The following MUC5AC variants were observed in gnomAD, a reference collection of about 807,000 sequenced individuals.
MUC5AC encodes the protein mucin-5AC.
A neutral mutation model predicts 169.7 loss-of-function variants in MUC5AC; 158 were observed. That is an observed-to-expected ratio of 0.93 (90% CI 0.82 to 1.06). MUC5AC has a LOEUF of 1.06. Ranked by LOEUF, MUC5AC falls within the 50% of genes least tolerant of loss-of-function variation. MUC5AC has a pLI of 0.00. For missense variants in MUC5AC, 4,359 were observed against 3,089.9 expected, an observed-to-expected ratio of 1.41 and a Z score of -9.74; for synonymous variants, 1,975 against 1,237.0, an observed-to-expected ratio of 1.60 and a Z score of -12.52.
rs769411624 is a variant in MUC5AC, at chr11:1,168,568, T to A, written c.1567+16T>A. 2 of 1,612,564 alleles carry A rather than the reference T, an allele frequency of 1.2e-6. No homozygotes were observed. Among genetic ancestry groups the A allele is most frequent in the Non-Finnish European group, 8.5e-7 (1 of 1,179,788 alleles). ...ATCTCTGCAGGTGAGGGCAGTGGCT[T>A]CTTCCCCACCCCGGGGCTGCCTGGG... On this transcript the variant is annotated intron_variant, in intron 13 of 48. Coordinates refer to ENST00000621226, the MANE Select transcript of MUC5AC (RefSeq NM_001304359.2).
At position 1,178,570 on chromosome 11, in the gene MUC5AC, C is replaced by A; in HGVS notation, c.3214C>A (p.Pro1072Thr). The A allele has an allele frequency of 7.1e-7, 1 of 1,401,246 alleles. No homozygotes were observed. The highest frequency in any genetic ancestry group is 1.7e-5 in the South Asian group (1 of 58,958). 86.8% of individuals were successfully genotyped at this position (1,401,246 alleles called of 1,614,324 possible). A position where few individuals can be genotyped will look rare whatever the true frequency, so the allele number is the denominator to read the frequency against. The change falls in exon 25 of 49, where the codon CCA (proline) becomes ACA (threonine). Residue 1072 changes from proline (P) to threonine (T), a missense_variant. Coordinates refer to ENST00000621226, the MANE Select transcript of MUC5AC (RefSeq NM_001304359.2). ...CAGCTGGAAGCTCTCCCCCTCCTGCCCAGATGCCCTGGCGCCCAAGGACCC... is the reference window on the plus strand; with the variant it reads ...CAGCTGGAAGCTCTCCCCCTCCTGCACAGATGCCCTGGCGCCCAAGGACCC... ...GNSWKLSPSC[P>T]DALAPKDPCT...
chr11:1,175,845 A>ACC (rs1860668545), intron 19 of MUC5AC, among the ~76,000 whole-genome samples: 4 of 113,786 alleles, frequency 3.5e-5, no homozygotes, highest in African/African-American at 1.4e-4. Flanking sequence ...ACGCACTCAC[A>ACC]CACCCACTTA....
At chr11:1,166,492 C>A (rs1444714330) in intron 11 of MUC5AC, among the ~76,000 whole-genome samples, 33 of 113,618 alleles carry the variant, frequency 2.9e-4, no homozygotes, top group Middle Eastern at 7.8e-3. Context: ...AGTCTCTCCA[C>A]GATGAGACCC....
At chr11:1,162,722 G>T (rs1590133247) in intron 5 of MUC5AC, 76 bp downstream of exon 5, 2 of 1,413,742 alleles carry the variant, frequency 1.4e-6, no homozygotes, top group Non-Finnish European at 2.0e-6. Flanking sequence ...CCTCTCCGGA[G>T]AGGGTAGAAG....
At position 1,158,003 on chromosome 11, in the gene MUC5AC, A is replaced by G; in HGVS notation, c.4A>G (p.Ser2Gly). Residue 2 changes from serine to glycine, a missense_variant, in exon 1 of 49, where the codon AGT (serine) becomes GGT (glycine). By Grantham distance (56) the Ser-to-Gly change is moderately conservative (BLOSUM62 0). Coordinates refer to ENST00000621226, the MANE Select transcript of MUC5AC (RefSeq NM_001304359.2). ...ACTCTTCCCCGCCGTCCACACAATGAGTGTTGGCCGGAGGAAGCTGGCCCT... is the reference window on the plus strand; with the variant it reads ...ACTCTTCCCCGCCGTCCACACAATGGGTGTTGGCCGGAGGAAGCTGGCCCT... M[S>G]VGRRKLALLW... 1.9e-6 allele frequency: 3 copies of G among 1,598,162 alleles called. No individual in the cohort carries two copies. Among genetic ancestry groups the G allele is most frequent in the Non-Finnish European group, 2.6e-6 (3 of 1,173,688 alleles).
Position 1,195,025 on chromosome 11 carries a change from C to T in MUC5AC, c.15204C>T (p.Asn5068=), listed in dbSNP as rs775794844. The T allele has an allele frequency of 4.8e-5, 36 of 744,138 alleles. No homozygotes were observed. Among genetic ancestry groups the T allele is most frequent in the African/African-American group, 3.1e-4 (18 of 58,682 alleles). The allele number at this position is 744,138 out of a possible 1,614,324, so 46.1% of individuals were successfully genotyped here. A position where few individuals can be genotyped will look rare whatever the true frequency, so the allele number is the denominator to read the frequency against. The change falls in exon 36 of 49, where the codon AAC becomes AAT. Residue 5068 remains asparagine, a synonymous_variant. Coordinates refer to ENST00000621226, the MANE Select transcript of MUC5AC (RefSeq NM_001304359.2). ...GCGTCTGCCCAGGCACTTGCACCAA[C>T]GACAGGAAGGATGAGTGCCGCACGC... ...NTEGQCGTCT[N]DRKDECRTPR...
Position 1,174,635 on chromosome 11 carries a change from C to G in MUC5AC, c.2092+13C>G, listed in dbSNP as rs1008971252. 9.7e-6 allele frequency: 10 copies of G among 1,027,172 alleles called. No homozygotes were observed. The African/African-American group carries it at 1.6e-4, about 16-fold the overall frequency. The allele number at this position is 1,027,172 out of a possible 1,614,324, so 63.6% of individuals were successfully genotyped here. A position where few individuals can be genotyped will look rare whatever the true frequency, so the allele number is the denominator to read the frequency against. On this transcript the variant is annotated intron_variant, in intron 17 of 48. Transcript: ENST00000621226. ...GACGGCGTCTGCAGTGAGTGCCTGC[C>G]AAGCCCAGCCCCTTTCCCTCGCTGG...
At position 1,174,592 on chromosome 11, in the gene MUC5AC, C is replaced by A; in HGVS notation, c.2062C>A (p.Gln688Lys). The change falls in exon 17 of 49, where the codon CAG (glutamine) becomes AAG (lysine). Residue 688 changes from glutamine (Q) to lysine (K), a missense_variant. Transcript: ENST00000621226. Reference sequence around the variant, plus strand: ...GCACGCCTGTGCCGCCAAGGGCGTGCAGCTCGGCGGCTGGAGGGACGGCGT... The same window carrying A: ...GCACGCCTGTGCCGCCAAGGGCGTGAAGCTCGGCGGCTGGAGGGACGGCGT... ...YVHACAAKGV[Q>K]LGGWRDGVCT... The A allele has an allele frequency of 7.0e-7, 1 of 1,427,220 alleles. No homozygotes were observed. Among genetic ancestry groups the A allele is most frequent in the Non-Finnish European group, 9.6e-7 (1 of 1,044,426 alleles). 88.4% of individuals were successfully genotyped at this position (1,427,220 alleles called of 1,614,324 possible).
At chr11:1,199,545 T>TG (rs1861370131) in intron 46 of MUC5AC, 55 bp downstream of exon 46, 2 of 699,020 alleles carry the variant, frequency 2.9e-6, no homozygotes, top group Non-Finnish European at 5.2e-6. Flanking sequence ...TAGATGGGTT[T>TG]GGGGGGCTGT....
At position 1,176,235 on chromosome 11, in the gene MUC5AC, C is replaced by T. The variant is rs1358344269; in HGVS notation, c.2486C>T (p.Thr829Ile). 8 of 398,568 alleles carry T rather than the reference C, an allele frequency of 2.0e-5. No homozygotes were observed. The highest frequency in any genetic ancestry group is 1.4e-4 in the African/African-American group (7 of 48,624). The allele number at this position is 398,568 out of a possible 1,614,324, so 24.7% of individuals were successfully genotyped here. ...GCTGGCTGTCAGAAGAGCTGCCACA[C>T]ACTGGACATGACCTGTGTAAGTCCC... is the stretch of plus-strand genomic sequence containing the variant. ...TGAGCQKSCH[T>I]LDMTCYSPQC... is the part of the protein sequence containing the mutation. The change falls in exon 20 of 49, where the codon ACA (threonine) becomes ATA (isoleucine). Residue 829 changes from threonine (T) to isoleucine (I), a missense_variant. Thr to Ile is a moderately conservative substitution (Grantham distance 89). Transcript: ENST00000621226.
chr11:1,177,968 C>T (rs1441042345), intron 24 of MUC5AC, among the ~76,000 whole-genome samples: 1 of 152,176 alleles, frequency 6.6e-6, no homozygotes, highest in Non-Finnish European at 1.5e-5. Context: ...TGCCGGGGTC[C>T]CCAGCGCTCC....
In MUC5AC at chr11:1,165,275, C is replaced by T. The variant is rs374888167; in HGVS notation, c.1130-27C>T. 5.5e-5 allele frequency: 88 copies of T among 1,593,362 alleles called. No homozygotes were observed. In the African/African-American group the frequency reaches 9.2e-4, roughly 17 times the overall value. ...CCACTGCGTGGACACAGCAGGCGCCCGTCATAGGCCTGCCTGACCCCTGCA... is the reference window on the plus strand; with the variant it reads ...CCACTGCGTGGACACAGCAGGCGCCTGTCATAGGCCTGCCTGACCCCTGCA... On this transcript the variant is annotated intron_variant, in intron 9 of 48. Coordinates refer to ENST00000621226, the MANE Select transcript of MUC5AC (RefSeq NM_001304359.2).
At chr11:1,161,832 G>T in intron 3 of MUC5AC, 75 bp from the exon 4 acceptor site, 1 of 1,531,272 alleles carries the variant, frequency 6.5e-7, no homozygotes. Flanking sequence ...GGGGCAGGAG[G>T]TACAGGGCAG....
rs1323992200 is a variant in MUC5AC, at chr11:1,189,257, A to T, written c.11112A>T (p.Thr3704=). ...CAACCTCTGCTCCCACAACGAGCAC[A>T]ACTTCTGCCCCTACAACCAGCACAA... is the stretch of plus-strand genomic sequence containing the variant. ...TSTTSAPTTS[T]TSAPTTSTTS... is the part of the protein sequence containing the mutation. The change falls in exon 31 of 49, where the codon ACA becomes ACT. Residue 3704 remains threonine, a synonymous_variant. Coordinates refer to ENST00000621226, the MANE Select transcript of MUC5AC (RefSeq NM_001304359.2). 5 of 590,082 alleles carry T rather than the reference A, an allele frequency of 8.5e-6. No homozygotes were observed. The highest frequency in any genetic ancestry group is 1.5e-5 in the Non-Finnish European group (5 of 331,348). The allele number at this position is 590,082 out of a possible 1,614,324, so 36.6% of individuals were successfully genotyped here.
At position 1,187,267 on chromosome 11, in the gene MUC5AC, C is replaced by T. The variant is rs1860975651; in HGVS notation, c.9122C>T (p.Thr3041Ile). ...ACAACCAGCACAACCTCTACCCCTA[C>T]AAGCAGCACAACCTCCTCTCCACAG... Reference protein sequence around the residue: ...APTTSTTSTPTSSTTSSPQTS... With the variant: ...APTTSTTSTPISSTTSSPQTS... Residue 3041 changes from threonine to isoleucine, a missense_variant, in exon 31 of 49, where the codon ACA (threonine) becomes ATA (isoleucine). Physicochemically the swap from Thr to Ile is moderately conservative, Grantham distance 89. Coordinates refer to ENST00000621226, the MANE Select transcript of MUC5AC (RefSeq NM_001304359.2). 4 of 696,278 alleles carry T rather than the reference C, an allele frequency of 5.7e-6. No homozygotes were observed. Among genetic ancestry groups the T allele is most frequent in the Non-Finnish European group, 1.0e-5 (4 of 382,352 alleles). The allele number at this position is 696,278 out of a possible 1,614,324, so 43.1% of individuals were successfully genotyped here.
Position 1,184,645 on chromosome 11 carries a change from C to T in MUC5AC, c.6500C>T (p.Ala2167Val). The T allele has an allele frequency of 1.5e-6, 1 of 659,878 alleles. No individual in the cohort carries two copies. Among genetic ancestry groups the T allele is most frequent in the Non-Finnish European group, 2.7e-6 (1 of 363,808 alleles). 40.9% of individuals were successfully genotyped at this position (659,878 alleles called of 1,614,324 possible). ...PEEITRLQCR[A>V]KSHPEVSIEH... ...GAGATCACCAGGCTCCAGTGCCGAG[C>T]CAAGAGCCACCCAGAGGTGAGCATC... is the stretch of plus-strand genomic sequence containing the variant. The change falls in exon 31 of 49, where the codon GCC becomes GTC. Residue 2167 changes from alanine to valine, a missense_variant. Ala to Val is a moderately conservative substitution (Grantham distance 64). Transcript: ENST00000621226.
Position 1,199,377 on chromosome 11 carries a change from G to A in MUC5AC, c.16402G>A (p.Glu5468Lys), listed in dbSNP as rs776367136. Residue 5468 changes from glutamate to lysine, a missense_variant, in exon 46 of 49, where the codon GAG becomes AAG. Glu to Lys is a moderately conservative substitution (Grantham distance 56). Coordinates refer to ENST00000621226, the MANE Select transcript of MUC5AC (RefSeq NM_001304359.2). ...KSPAHLFYPG[E>K]TWSDAGNHCV... is the part of the protein sequence containing the mutation. ...GGGCCTGGCCTCCCTCCAGCCCGGC[G>A]AGACCTGGTCAGACGCAGGGAACCA... The A allele has an allele frequency of 4.2e-6, 3 of 716,732 alleles. No individual in the cohort carries two copies. The highest frequency in any genetic ancestry group is 1.9e-5 in the Admixed American group (1 of 52,112). The allele number at this position is 716,732 out of a possible 1,614,324, so 44.4% of individuals were successfully genotyped here.
chr11:1,188,452 C>G lies in MUC5AC; in HGVS notation c.10307C>G (p.Thr3436Ser), dbSNP rs1861006966. 2 of 641,702 alleles carry G rather than the reference C, an allele frequency of 3.1e-6. No individual in the cohort carries two copies. The highest frequency in any genetic ancestry group is 2.7e-5 in the East Asian group (1 of 37,310). The allele number at this position is 641,702 out of a possible 1,614,324, so 39.8% of individuals were successfully genotyped here. The change falls in exon 31 of 49, where the codon ACC becomes AGC. Residue 3436 changes from threonine (T) to serine (S), a missense_variant. Coordinates refer to ENST00000621226, the MANE Select transcript of MUC5AC (RefSeq NM_001304359.2). Reference sequence around the variant, plus strand: ...ACCAGCATAATCTCTGCCCCTACAACCAGCACAACCTCTTCCCCTACAACC... The same window carrying G: ...ACCAGCATAATCTCTGCCCCTACAAGCAGCACAACCTCTTCCCCTACAACC... ...RTTSIISAPT[T>S]STTSSPTTST...
intron 6 of MUC5AC, 126 bp downstream of exon 6, chr11:1,163,171 C>G: frequency 1.1e-6 from 1 of 893,784 alleles, no homozygotes; most frequent in Non-Finnish European, 1.8e-6. Context: ...GCTGCCCTCC[C>G]TCCTAGCACA....
Sources: gnomAD v4.1 joint callset for allele counts (sites outside exome capture counted in the v4.1 genomes callset) on GRCh38, gnomAD v4.1.1 for gene constraint, MANE v1.5 for transcripts, NCBI Gene and HGNC (gene_info 2026-07-23, HGNC 2026-07-21) for gene names.